The following TP63 variants were observed in gnomAD, a reference collection of about 807,000 sequenced individuals.
TP63 encodes tumor protein p63, also known as tumor protein 63.
In TP63, 17 loss-of-function variants were observed where a neutral mutation model predicts 82.8. That is an observed-to-expected ratio of 0.21 (90% CI 0.14 to 0.31). The LOEUF (loss-of-function observed/expected upper bound fraction) is 0.31, where lower values mean the gene tolerates loss of function less well. Ranked by LOEUF, TP63 falls within the 10% of genes least tolerant of loss-of-function variation. The pLI is 1.00. For synonymous variants in TP63, 330 were observed against 321.7 expected (o/e 1.03, Z -0.28); for missense variants, 648 against 895.3 (o/e 0.72, Z 3.52).
intron 3 of TP63, among the ~76,000 whole-genome samples, chr3:189,796,045 A>G (rs1371227591): frequency 6.6e-6 from 1 of 152,046 alleles, no homozygotes; most frequent in Non-Finnish European, 1.5e-5. Flanking sequence ...CGTCTTAGAA[A>G]TAGGACCAGA....
intron 1 of TP63, among the ~76,000 whole-genome samples, chr3:189,635,192 A>G (rs1269791851): frequency 1.2e-4 from 18 of 152,112 alleles, no homozygotes. Flanking sequence ...TTAAAATACT[A>G]TATGGATAAT....
intron 3 of TP63, among the ~76,000 whole-genome samples, chr3:189,787,544 A>G (rs1259581225): frequency 6.6e-6 from 1 of 152,052 alleles, no homozygotes; most frequent in East Asian, 1.9e-4. Context: ...CAGAGACCGT[A>G]TTTGGATTCA....
Position 189,895,688 on chromosome 3 carries a change from T to TA in TP63, c.*1189dup, listed in dbSNP as rs1217396483. 1 of 228,460 alleles carries TA rather than the reference T, an allele frequency of 4.4e-6. No homozygotes were observed. The highest frequency in any genetic ancestry group is 8.7e-6 in the Non-Finnish European group (1 of 115,314). 14.2% of individuals were successfully genotyped at this position (228,460 alleles called of 1,614,324 possible). Reference sequence around the variant, plus strand: ...TTGAAGCATAGATAATATTGTTTGGTAAATGTTTCTTTTGTTTGGTAAATG... The same window carrying TA: ...TTGAAGCATAGATAATATTGTTTGGTAAAATGTTTCTTTTGTTTGGTAAATG... On this transcript the variant is annotated 3_prime_UTR_variant, in exon 14 of 14. Coordinates refer to ENST00000264731, the MANE Select transcript of TP63 (RefSeq NM_003722.5).
intron 4 of TP63, among the ~76,000 whole-genome samples, chr3:189,818,163 A>G (rs1728401388): frequency 6.6e-6 from 1 of 151,876 alleles, no homozygotes; most frequent in African/African-American, 2.4e-5. Flanking sequence ...CCCTGGAGTT[A>G]ATATAAATTG....
At chr3:189,769,684 G>T (rs1723192888) in intron 3 of TP63, among the ~76,000 whole-genome samples, 1 of 152,112 alleles carries the variant, frequency 6.6e-6, no homozygotes. Flanking sequence ...CTTTCAAAAT[G>T]ACTGTGCCCA....
chr3:189,628,860 T>C (rs1475777124), upstream of TP63, among the ~76,000 whole-genome samples: 1 of 152,166 alleles, frequency 6.6e-6, no homozygotes, highest in Non-Finnish European at 1.5e-5. Context: ...TCTGTTGAAT[T>C]CTAGAGAGTT....
intron 4 of TP63, among the ~76,000 whole-genome samples, chr3:189,815,666 G>T (rs1728106937): frequency 6.6e-6 from 1 of 152,010 alleles, no homozygotes; most frequent in African/African-American, 2.4e-5. Context: ...CAGTACACAG[G>T]CTGCATGCCA....
intron 4 of TP63, among the ~76,000 whole-genome samples, chr3:189,828,224 G>A (rs1711729945): frequency 6.7e-6 from 1 of 149,902 alleles, no homozygotes; most frequent in Non-Finnish European, 1.5e-5. Context: ...CTGGGCAACA[G>A]AGCGAGACTC....
chr3:189,790,941 T>A (rs913959036), intron 3 of TP63, among the ~76,000 whole-genome samples: 1 of 152,152 alleles, frequency 6.6e-6, no homozygotes, highest in Non-Finnish European at 1.5e-5. Context: ...TCCTGAACTG[T>A]GTAAATACAA....
At chr3:189,658,592 T>C (rs1487841964) in intron 1 of TP63, among the ~76,000 whole-genome samples, 1 of 152,000 alleles carries the variant, frequency 6.6e-6, no homozygotes, top group Non-Finnish European at 1.5e-5. Context: ...TAAAAATCCA[T>C]AACGCTAATT....
intron 4 of TP63, among the ~76,000 whole-genome samples, chr3:189,814,612 C>T (rs1490900392): frequency 6.6e-6 from 1 of 152,194 alleles, no homozygotes; most frequent in African/African-American, 2.4e-5. Flanking sequence ...TCTTAGTTCA[C>T]AGAGTATTGA....
At chr3:189,787,750 G>T (rs564258044) in intron 3 of TP63, among the ~76,000 whole-genome samples, 2 of 152,158 alleles carry the variant, frequency 1.3e-5, no homozygotes, top group South Asian at 4.1e-4. Flanking sequence ...ATTTAATAAT[G>T]ACTTTGGTAG....
At chr3:189,884,985 T>C (rs1222140163) in intron 10 of TP63, among the ~76,000 whole-genome samples, 5 of 152,212 alleles carry the variant, frequency 3.3e-5, no homozygotes, top group Non-Finnish European at 5.9e-5. Context: ...TTTCAAATAT[T>C]ATGCCATATA....
intron 4 of TP63, among the ~76,000 whole-genome samples, chr3:189,854,158 G>C (rs1386733808): frequency 6.6e-6 from 1 of 152,126 alleles, no homozygotes; most frequent in Non-Finnish European, 1.5e-5. Flanking sequence ...AATGAGAAGA[G>C]CTAGCTCTCA....
intron 1 of TP63, among the ~76,000 whole-genome samples, chr3:189,666,432 A>G (rs967065008): frequency 6.6e-6 from 1 of 152,148 alleles, no homozygotes; most frequent in Non-Finnish European, 1.5e-5. Context: ...TGTGTAATGA[A>G]CAAATACTAA....
chr3:189,890,911 T>G, intron 13 of TP63, 29 bp downstream of exon 13: 1 of 1,602,134 alleles, frequency 6.2e-7, no homozygotes, highest in South Asian at 1.1e-5. Flanking sequence ...TTTCTCAAAT[T>G]TTATTTCTTC....
chr3:189,706,502 C>T (rs1372515030), intron 1 of TP63, among the ~76,000 whole-genome samples: 2 of 152,118 alleles, frequency 1.3e-5, no homozygotes, highest in East Asian at 1.9e-4. Flanking sequence ...GGTCCGCTGG[C>T]CTCGGCCTCC....
At chr3:189,875,807 G>A (rs1359252567) in intron 10 of TP63, among the ~76,000 whole-genome samples, 1 of 129,254 alleles carries the variant, frequency 7.7e-6, no homozygotes, top group Non-Finnish European at 1.6e-5. Flanking sequence ...TCCTAAAGTG[G>A]TTTTTCAGGT....
At chr3:189,815,037 TTTC>T (rs1380154438) in intron 4 of TP63, among the ~76,000 whole-genome samples, 2 of 152,172 alleles carry the variant, frequency 1.3e-5, no homozygotes, top group Non-Finnish European at 2.9e-5. Flanking sequence ...GCTTTTCCCT[TTTC>T]TTCTTTCTCC....
Sources: gnomAD v4.1 joint callset for allele counts (sites outside exome capture counted in the v4.1 genomes callset) on GRCh38, gnomAD v4.1.1 for gene constraint, MANE v1.5 for transcripts, NCBI Gene and HGNC (gene_info 2026-07-23, HGNC 2026-07-21) for gene names.